NTN4: variants seen among roughly 807,000 people sequenced by gnomAD.
NTN4 encodes netrin 4, also known as netrin-4.
In NTN4, 32 loss-of-function variants were observed where a neutral mutation model predicts 73.6. That is an observed-to-expected ratio of 0.44 (90% CI 0.33 to 0.58). The LOEUF is 0.58. NTN4 is among the 20% of genes least tolerant of loss of function. NTN4 has a pLI of 0.04. For synonymous variants in NTN4, 258 were observed against 287.5 expected (o/e 0.90, Z 1.04); for missense variants, 654 against 798.3 (o/e 0.82, Z 2.18).
At chr12:95,707,944 T>A (rs2058975) in intron 5 of NTN4, among the ~76,000 whole-genome samples, 14,236 of 152,272 alleles carry the variant, frequency 0.093, 929 homozygotes, top group Non-Finnish European at 0.14. Context: ...ACATTTCTAC[T>A]AGTGGTCTGA....
rs527723471 is a variant in NTN4, at chr12:95,713,295, T to C, written c.908A>G (p.His303Arg). ...CMCKHNTAGS[H>R]CQHCAPLYND... is the part of the protein sequence containing the mutation. ...GTATAACGGGGCACAGTGCTGGCAG[T>C]GGCTGCCTGCTGTGTTGTGCTTACA... The change falls in exon 4 of 10, where the codon CAC (histidine) becomes CGC (arginine). Residue 303 changes from histidine (H) to arginine (R), a missense_variant. Transcript: ENST00000343702. 1 of 1,612,496 alleles carries C rather than the reference T, an allele frequency of 6.2e-7. No individual in the cohort carries two copies. The highest frequency in any genetic ancestry group is 1.7e-4 in the Middle Eastern group (1 of 6,058).
chr12:95,704,062 G>A lies in NTN4; in HGVS notation c.1180+6379C>T, dbSNP rs557459212. On this transcript the variant is annotated intron_variant, in intron 5 of 9. Transcript: ENST00000343702. ...TCCCTCCTCAGCCTCCTGAGGAGCT[G>A]GGATGTCAGCTGTGTGCCATCATGC... is the stretch of plus-strand genomic sequence containing the variant. 2.7e-5 allele frequency among the ~76,000 whole-genome samples: 4 copies of A among 147,692 alleles called. No homozygotes were observed. The East Asian group carries it at 1.2e-3, about 43-fold the overall frequency.
In NTN4 at chr12:95,740,508, G is replaced by C. The variant is rs1198985971; in HGVS notation, c.586-2364C>G. 3.9e-5 allele frequency among the ~76,000 whole-genome samples: 6 copies of C among 152,274 alleles called. No homozygotes were observed. In the South Asian group the frequency reaches 1.0e-3, roughly 26 times the overall value. Reference sequence around the variant, plus strand: ...AGTCAGGGATTGCGCTTTTTGACCAGGTTCAAGCATACTTCAGTATTTCTG... The same window carrying C: ...AGTCAGGGATTGCGCTTTTTGACCACGTTCAAGCATACTTCAGTATTTCTG... On this transcript the variant is annotated intron_variant, in intron 2 of 9. Transcript: ENST00000343702.
At chr12:95,739,230 T>C (rs2078804877) in intron 2 of NTN4, among the ~76,000 whole-genome samples, 1 of 152,216 alleles carries the variant, frequency 6.6e-6, no homozygotes, top group African/African-American at 2.4e-5. Flanking sequence ...ATAACTTCCT[T>C]ATGTCGGGTC....
chr12:95,731,129 A>G (rs2121152661), intron 3 of NTN4, among the ~76,000 whole-genome samples: 1 of 152,270 alleles, frequency 6.6e-6, no homozygotes, highest in Non-Finnish European at 1.5e-5. Context: ...CTAGTTGTTA[A>G]TGGAAGAGAA....
chr12:95,775,468 G>A (rs139082126), intron 2 of NTN4, among the ~76,000 whole-genome samples: 2,209 of 152,288 alleles, frequency 0.015, 61 homozygotes, highest in African/African-American at 0.05. Context: ...CTGGAAAATC[G>A]GGTCACTCCC....
intron 1 of NTN4, among the ~76,000 whole-genome samples, chr12:95,788,873 C>A (rs1386644994): frequency 6.6e-6 from 1 of 152,288 alleles, no homozygotes; most frequent in East Asian, 1.9e-4. Context: ...CAAGGAAAAT[C>A]ATATACTGCC....
At chr12:95,661,617 A>G (rs1479522584) in intron 9 of NTN4, among the ~76,000 whole-genome samples, 1 of 152,254 alleles carries the variant, frequency 6.6e-6, no homozygotes, top group African/African-American at 2.4e-5. Flanking sequence ...TGCATTTGAC[A>G]TGATTCAACA....
chr12:95,739,216 C>A (rs1456809665), intron 2 of NTN4, among the ~76,000 whole-genome samples: 1 of 152,130 alleles, frequency 6.6e-6, no homozygotes, highest in East Asian at 1.9e-4. Context: ...GGTGAGAATT[C>A]CAAATAACTT....
chr12:95,778,195 C>T (rs1409244874), intron 2 of NTN4, among the ~76,000 whole-genome samples: 11 of 151,778 alleles, frequency 7.2e-5, no homozygotes. Flanking sequence ...ACTAAATGCC[C>T]ACAAAAGAAA....
intron 2 of NTN4, among the ~76,000 whole-genome samples, chr12:95,766,491 A>G (rs2079022350): frequency 6.6e-6 from 1 of 152,220 alleles, no homozygotes; most frequent in African/African-American, 2.4e-5. Context: ...TGGATACAAC[A>G]AGTTTTTTAG....
chr12:95,692,321 C>CTGTAAT (rs1170529393), intron 5 of NTN4, among the ~76,000 whole-genome samples: 5 of 152,186 alleles, frequency 3.3e-5, no homozygotes, highest in Non-Finnish European at 5.9e-5. Context: ...CAGGCATGAG[C>CTGTAAT]TACTATGCCT....
intron 2 of NTN4, among the ~76,000 whole-genome samples, chr12:95,757,759 G>A (rs1231965889): frequency 3.9e-5 from 5 of 127,922 alleles, no homozygotes; most frequent in Non-Finnish European, 8.3e-5. Flanking sequence ...GCCCAAGGAA[G>A]TGAGAATGCA....
chr12:95,664,531 T>C (rs375510713), intron 9 of NTN4, among the ~76,000 whole-genome samples: 3 of 152,246 alleles, frequency 2.0e-5, no homozygotes, highest in South Asian at 2.1e-4. Flanking sequence ...TGAGGGGATA[T>C]TTTATTGTTA....
intron 5 of NTN4, among the ~76,000 whole-genome samples, chr12:95,697,959 C>A (rs2078454680): frequency 6.6e-6 from 1 of 152,142 alleles, no homozygotes; most frequent in Non-Finnish European, 1.5e-5. Flanking sequence ...AATAGCAATA[C>A]AACAATACAA....
In NTN4 at chr12:95,707,198, G is replaced by A. The variant is rs376035942; in HGVS notation, c.1180+3243C>T. On this transcript the variant is annotated intron_variant, in intron 5 of 9. Coordinates refer to ENST00000343702, the MANE Select transcript of NTN4 (RefSeq NM_021229.4). ...CATCATTTTACTCCAAGTAAAAGCTGGTGAGCTTACAGTGGCTCATCAGTA... is the reference window on the plus strand; with the variant it reads ...CATCATTTTACTCCAAGTAAAAGCTAGTGAGCTTACAGTGGCTCATCAGTA... 4.6e-5 allele frequency among the ~76,000 whole-genome samples: 7 copies of A among 152,202 alleles called. No individual in the cohort carries two copies. The South Asian group carries it at 1.5e-3, about 32-fold the overall frequency.
intron 2 of NTN4, among the ~76,000 whole-genome samples, chr12:95,752,288 G>A (rs2078914290): frequency 6.7e-6 from 1 of 149,478 alleles, no homozygotes; most frequent in Non-Finnish European, 1.5e-5. Context: ...AGCCTTACAA[G>A]TTAGTTCAGG....
chr12:95,674,162 C>CA (rs35764079), intron 7 of NTN4, among the ~76,000 whole-genome samples: 54,065 of 146,614 alleles, frequency 0.37, 9,827 homozygotes, highest in Non-Finnish European at 0.39. Flanking sequence ...GAGACTCTGC[C>CA]AAAAAAAAAA....
At chr12:95,668,949 C>A (rs1028187640) in intron 8 of NTN4, among the ~76,000 whole-genome samples, 4 of 152,236 alleles carry the variant, frequency 2.6e-5, no homozygotes, top group African/African-American at 9.6e-5. Context: ...CATGGGATAA[C>A]CCTGTCTCTA....
Sources: gnomAD v4.1 joint callset for allele counts (sites outside exome capture counted in the v4.1 genomes callset) on GRCh38, gnomAD v4.1.1 for gene constraint, MANE v1.5 for transcripts, NCBI Gene and HGNC (gene_info 2026-07-23, HGNC 2026-07-21) for gene names.